Variants in PHACTR1 observed in about 807,000 individuals in gnomAD.
PHACTR1 encodes RPEL repeat containing 1.
A neutral mutation model predicts 69.2 loss-of-function variants in PHACTR1; 16 were observed. The ratio of observed to expected loss-of-function variants is 0.23; its 90% CI spans 0.16 to 0.35. The LOEUF (loss-of-function observed/expected upper bound fraction) is 0.35, where lower values mean the gene tolerates loss of function less well. Among genes scored for constraint, PHACTR1 ranks in the 10% least tolerant of loss-of-function variants. The pLI is 1.00. For synonymous variants in PHACTR1, 312 were observed against 284.5 expected (o/e 1.10, Z -0.97); for missense variants, 510 against 734.7 (o/e 0.69, Z 3.54).
intron 4 of PHACTR1, among the ~76,000 whole-genome samples, chr6:12,873,675 G>T (rs1433147103): frequency 4.6e-5 from 7 of 152,192 alleles, no homozygotes; most frequent in Non-Finnish European, 7.3e-5. Context: ...GAATTCCCCA[G>T]ACAATGAAGG....
At chr6:12,750,524 G>A (rs11966027) in intron 4 of PHACTR1, among the ~76,000 whole-genome samples, 4,855 of 140,528 alleles carry the variant, frequency 0.035, 161 homozygotes, top group South Asian at 0.083. Flanking sequence ...GGGAAGGAAG[G>A]AAGGAAAGAA....
At chr6:12,776,559 A>C (rs1770087696) in intron 4 of PHACTR1, among the ~76,000 whole-genome samples, 1 of 152,210 alleles carries the variant, frequency 6.6e-6, no homozygotes, top group Non-Finnish European at 1.5e-5. Flanking sequence ...TTCTAACGGG[A>C]ACTCAGAAAT....
At position 13,203,564 on chromosome 6, in the gene PHACTR1, G is replaced by A. The variant is rs142784525; in HGVS notation, c.665-2251G>A. 9.9e-4 allele frequency among the ~76,000 whole-genome samples: 151 copies of A among 152,272 alleles called. 1 individual carries two copies. Among genetic ancestry groups the A allele is most frequent in the South Asian group, 3.9e-3 (19 of 4,818 alleles). On this transcript the variant is annotated intron_variant, in intron 7 of 14. Transcript: ENST00000332995. ...TAACACGGACATAATATGCATCCAC[G>A]TTCCCACTCTCTTTCCACAGAGTGG...
intron 4 of PHACTR1, among the ~76,000 whole-genome samples, chr6:13,050,007 G>A (rs1177527848): frequency 6.6e-6 from 1 of 152,208 alleles, no homozygotes; most frequent in African/African-American, 2.4e-5. Context: ...GGAAAGTGAT[G>A]AGTATGAAAG....
chr6:12,838,283 C>A (rs1035940829), intron 4 of PHACTR1, among the ~76,000 whole-genome samples: 6 of 152,160 alleles, frequency 3.9e-5, no homozygotes, highest in African/African-American at 1.2e-4. Context: ...ATCACAGAAG[C>A]CAACCTGGAG....
chr6:12,736,634 C>T (rs1405535803), intron 3 of PHACTR1, among the ~76,000 whole-genome samples: 1 of 152,116 alleles, frequency 6.6e-6, no homozygotes, highest in Non-Finnish European at 1.5e-5. Context: ...AAGGATGGGG[C>T]ATCATCTCTA....
intron 5 of PHACTR1, among the ~76,000 whole-genome samples, chr6:13,075,410 A>G (rs1411346965): frequency 6.6e-6 from 1 of 152,144 alleles, no homozygotes; most frequent in Non-Finnish European, 1.5e-5. Context: ...CACCATCGAA[A>G]CAAGAAGCTG....
intron 4 of PHACTR1, among the ~76,000 whole-genome samples, chr6:12,770,927 G>A (rs1033143689): frequency 2.6e-5 from 4 of 152,226 alleles, no homozygotes; most frequent in Admixed American, 2.6e-4. Context: ...AGAGGAGAGA[G>A]TGTGTGTAAA....
chr6:12,847,611 C>T (rs1324167799), intron 4 of PHACTR1, among the ~76,000 whole-genome samples: 1 of 151,504 alleles, frequency 6.6e-6, no homozygotes, highest in Non-Finnish European at 1.5e-5. Flanking sequence ...ACTATGAAAA[C>T]AATTATACTA....
At chr6:13,273,661 T>A (rs1466231022) in intron 11 of PHACTR1, 1 of 152,164 alleles carries the variant, frequency 6.6e-6, no homozygotes, top group Non-Finnish European at 1.5e-5. Context: ...GACAGCAGTA[T>A]GCGTCAGTTT....
At chr6:13,003,950 C>CATATATATATATATATATATATAT (rs1562119669) in intron 4 of PHACTR1, among the ~76,000 whole-genome samples, 1,217 of 81,018 alleles carry the variant, frequency 0.015, 69 homozygotes, top group African/African-American at 0.037. Context: ...CAGTAGTATT[C>CATATATATATATATATATATATAT]CTATATATAT....
intron 4 of PHACTR1, among the ~76,000 whole-genome samples, chr6:12,867,169 A>G (rs1182517377): frequency 1.3e-5 from 2 of 152,102 alleles, no homozygotes; most frequent in Non-Finnish European, 2.9e-5. Context: ...CAGCCTGGGT[A>G]TTTGTACTGG....
At chr6:12,823,126 T>A (rs1776403699) in intron 4 of PHACTR1, among the ~76,000 whole-genome samples, 1 of 152,230 alleles carries the variant, frequency 6.6e-6, no homozygotes, top group South Asian at 2.1e-4. Flanking sequence ...TTATGGGGCC[T>A]CTGTCACCTA....
intron 4 of PHACTR1, among the ~76,000 whole-genome samples, chr6:13,000,360 C>A (rs552933698): frequency 1.2e-4 from 19 of 152,192 alleles, no homozygotes; most frequent in African/African-American, 4.6e-4. Context: ...CTAGCCTGGG[C>A]AACATCGTGA....
intron 4 of PHACTR1, among the ~76,000 whole-genome samples, chr6:12,919,253 C>T (rs1325374962): frequency 6.6e-6 from 1 of 152,118 alleles, no homozygotes. Context: ...AGTGATTCTC[C>T]TGCCTCAGCC....
chr6:12,860,043 T>C (rs1780791532), intron 4 of PHACTR1, among the ~76,000 whole-genome samples: 1 of 152,060 alleles, frequency 6.6e-6, no homozygotes, highest in Non-Finnish European at 1.5e-5. Flanking sequence ...GGGATACATG[T>C]GCAGAACGTG....
intron 4 of PHACTR1, among the ~76,000 whole-genome samples, chr6:12,968,383 T>A (rs1011859835): frequency 2.5e-4 from 38 of 152,198 alleles, no homozygotes; most frequent in African/African-American, 8.4e-4. Flanking sequence ...TTTTTTTTCA[T>A]GGCAAAATAT....
In PHACTR1 at chr6:12,843,588, T is replaced by C. The variant is rs531504127; in HGVS notation, c.250+93798T>C. ...AAAACCATTGATTCCTCATAAATAA[T>C]GTGTTAAACCATGCATCATAAATTG... On this transcript the variant is annotated intron_variant, in intron 4 of 14. Transcript: ENST00000332995. 4.9e-4 allele frequency among the ~76,000 whole-genome samples: 74 copies of C among 152,328 alleles called. 1 individual carries two copies. In the South Asian group the frequency reaches 0.015, roughly 31 times the overall value.
chr6:12,949,674 A>G (rs1382461244), intron 4 of PHACTR1, among the ~76,000 whole-genome samples: 1 of 152,232 alleles, frequency 6.6e-6, no homozygotes, highest in Non-Finnish European at 1.5e-5. Context: ...CTGATATAAA[A>G]CACTTTGAAA....
Sources: allele counts gnomAD v4.1 joint callset (sites outside exome capture counted in the v4.1 genomes callset), GRCh38; gene constraint gnomAD v4.1.1; transcripts MANE v1.5; gene names NCBI Gene and HGNC (gene_info 2026-07-23, HGNC 2026-07-21).